RIPPLY3: variants seen among roughly 807,000 people sequenced by gnomAD.
RIPPLY3 encodes ripply transcriptional repressor 3.
A neutral mutation model predicts 11.9 loss-of-function variants in RIPPLY3; 8 were observed. The observed-to-expected ratio is 0.67, with a 90% CI of 0.40 to 1.21. RIPPLY3 has a LOEUF of 1.21. RIPPLY3 is among the 50% of genes most tolerant of loss of function. The pLI is 0.01. For synonymous variants in RIPPLY3, 102 were observed against 99.0 expected (o/e 1.03, Z -0.18); for missense variants, 271 against 246.0 (o/e 1.10, Z -0.68).
At position 37,006,778 on chromosome 21, in the gene RIPPLY3, G is replaced by A; in HGVS notation, c.6G>A (p.Glu2=). M[E]PEAAAGARKA... is the part of the protein sequence containing the mutation. Reference sequence around the variant, plus strand: ...GCGCGGGCTCCGCCGGCACCATGGAGCCCGAAGCGGCGGCCGGAGCCCGGA... The same window carrying A: ...GCGCGGGCTCCGCCGGCACCATGGAACCCGAAGCGGCGGCCGGAGCCCGGA... Residue 2 remains glutamate, a synonymous_variant, in exon 1 of 4, where the codon GAG becomes GAA. Transcript: ENST00000329553. This position sits in a 1 kb window ranked among gnomAD's most constrained non-coding sequence, Gnocchi z 5.2. The A allele has an allele frequency of 1.6e-6, 2 of 1,231,930 alleles. No homozygotes were observed. The highest frequency in any genetic ancestry group is 3.2e-4 in the Middle Eastern group (1 of 3,174). The allele number at this position is 1,231,930 out of a possible 1,614,324, so 76.3% of individuals were successfully genotyped here. A position where few individuals can be genotyped will look rare whatever the true frequency, so the allele number is the denominator to read the frequency against.
At chr21:37,012,907 C>T (rs1177461807) in intron 2 of RIPPLY3, among the ~76,000 whole-genome samples, 1 of 148,316 alleles carries the variant, frequency 6.7e-6, no homozygotes, top group Non-Finnish European at 1.5e-5. Flanking sequence ...CTCTGTCGTC[C>T]AGGCTGGAGT....
intron 1 of RIPPLY3, among the ~76,000 whole-genome samples, chr21:37,007,689 G>A (rs1041766347): frequency 2.0e-5 from 3 of 152,086 alleles, no homozygotes; most frequent in African/African-American, 7.2e-5. Context: ...GATTACAGGT[G>A]TGAGCCACCG....
rs2069525560 is a variant in RIPPLY3 at position 37,011,868 on chromosome 21, TCAG to T, written c.172-1682_172-1680del. On this transcript the variant is annotated intron_variant, in intron 2 of 3. Transcript: ENST00000329553. ...CTCGGGAGGCTGAGGCAGGAGAATC[TCAG>T]TGAGCCGAGATCGCACCACTGCACT... Among the ~76,000 whole-genome samples, 3 of 129,126 alleles carry T rather than the reference TCAG, an allele frequency of 2.3e-5. No individual in the cohort carries two copies. In the Admixed American group the frequency reaches 3.0e-4, roughly 13 times the overall value. The allele number at this position is 129,126 out of a possible 152,430, so 84.7% of individuals were successfully genotyped here.
At position 37,018,143 on chromosome 21, in the gene RIPPLY3, G is replaced by T. The variant is rs373201924; in HGVS notation, c.509G>T (p.Trp170Leu). The T allele has an allele frequency of 1.9e-6, 3 of 1,613,628 alleles. No homozygotes were observed. Among genetic ancestry groups the T allele is most frequent in the Non-Finnish European group, 2.5e-6 (3 of 1,179,782 alleles). Residue 170 changes from tryptophan to leucine, a missense_variant, in exon 4 of 4, where the codon TGG (tryptophan) becomes TTG (leucine). Transcript: ENST00000329553. ...GQRSSGGGDH[W>L]GEGPLPQGVS... ...CGATCCTCAGGAGGGGGTGACCACT[G>T]GGGGGAGGGTCCGCTCCCTCAAGGT...
intron 1 of RIPPLY3, 24 bp from the exon 2 acceptor site, chr21:37,008,133 C>G (rs1393450927): frequency 1.2e-6 from 2 of 1,613,264 alleles, no homozygotes; most frequent in Non-Finnish European, 1.7e-6. Context: ...AGGGTTCACT[C>G]TCTCCTGGCG....
intron 2 of RIPPLY3, among the ~76,000 whole-genome samples, chr21:37,008,992 C>G (rs79701370): frequency 0.059 from 8,917 of 152,070 alleles, 356 homozygotes; most frequent in Middle Eastern, 0.096. Flanking sequence ...GCCCCCACCC[C>G]GCGTCTGGCC....
chr21:37,008,897 G>T (rs546316269), intron 2 of RIPPLY3, among the ~76,000 whole-genome samples: 144 of 152,118 alleles, frequency 9.5e-4, no homozygotes, highest in Middle Eastern at 3.4e-3. Context: ...TTGGAGAAAA[G>T]CTTAGAGCAC....
intron 2 of RIPPLY3, among the ~76,000 whole-genome samples, chr21:37,010,860 G>A (rs368398269): frequency 1.6e-4 from 24 of 152,288 alleles, no homozygotes; most frequent in Non-Finnish European, 2.5e-4. Context: ...AAACACACTC[G>A]CACATATGTT....
chr21:37,013,677 T>C (rs1164289001), intron 3 of RIPPLY3, 59 bp downstream of exon 3: 4 of 1,226,330 alleles, frequency 3.3e-6, no homozygotes, highest in Non-Finnish European at 3.6e-6. Flanking sequence ...GGCATTAATA[T>C]GCTTTAGTGT....
At chr21:37,008,133 C>T in intron 1 of RIPPLY3, 24 bp from the exon 2 acceptor site, 2 of 1,613,264 alleles carry the variant, frequency 1.2e-6, no homozygotes, top group Non-Finnish European at 1.7e-6. Context: ...AGGGTTCACT[C>T]TCTCCTGGCG....
chr21:37,007,427 G>A (rs1420000148), intron 1 of RIPPLY3, among the ~76,000 whole-genome samples: 1 of 13,892 alleles, frequency 7.2e-5, no homozygotes, highest in Non-Finnish European at 1.4e-4. Flanking sequence ...TTTTTTTTTT[G>A]AGACAGGGTC....
At chr21:37,015,003 C>T (rs922613425) in intron 3 of RIPPLY3, among the ~76,000 whole-genome samples, 8 of 152,210 alleles carry the variant, frequency 5.3e-5, no homozygotes, top group Non-Finnish European at 5.9e-5. Context: ...GTTGGGATTA[C>T]AGGCATGAGC....
chr21:37,009,911 C>T (rs1048420201), intron 2 of RIPPLY3, among the ~76,000 whole-genome samples: 2 of 152,134 alleles, frequency 1.3e-5, no homozygotes, highest in African/African-American at 4.8e-5. Context: ...GCCCGGAGCC[C>T]GCTCTTTGCA....
intron 3 of RIPPLY3, among the ~76,000 whole-genome samples, chr21:37,015,768 G>A (rs764326186): frequency 6.6e-6 from 1 of 151,856 alleles, no homozygotes; most frequent in Non-Finnish European, 1.5e-5. Flanking sequence ...GCCCAGGCTG[G>A]AGTGCAGTGG....
chr21:37,014,697 C>T (rs2048969151), intron 3 of RIPPLY3, among the ~76,000 whole-genome samples: 1 of 152,186 alleles, frequency 6.6e-6, no homozygotes, highest in Admixed American at 6.5e-5. Flanking sequence ...TCAGACTGGT[C>T]AGAAGGAAGC....
chr21:37,013,604 T>A lies in RIPPLY3; in HGVS notation c.225T>A (p.Phe75Leu), dbSNP rs543717964. ...TTGGATCAAAGGGAGCCTTTGGGTT[T>A]CAGCATCCTGTAAGGTAATATACGA... ...HTFGSKGAFG[F>L]QHPVRVYLPM... The change falls in exon 3 of 4, where the codon TTT becomes TTA. Residue 75 changes from phenylalanine to leucine, a missense_variant. Physicochemically the swap from Phe to Leu is conservative, Grantham distance 22. Coordinates refer to ENST00000329553, the MANE Select transcript of RIPPLY3 (RefSeq NM_018962.3). The A allele has an allele frequency of 3.7e-6, 6 of 1,613,740 alleles. No homozygotes were observed. In the East Asian group the frequency reaches 1.3e-4, roughly 36 times the overall value.
In RIPPLY3 at chr21:37,006,986, C is replaced by A. The variant is rs1601093531; in HGVS notation, c.104+110C>A. ...GCGCTGCTGAACCCCCGATCCCCAG[C>A]GGAGCTCCGGAGCTCGACGGCGACG... On this transcript the variant is annotated intron_variant, in intron 1 of 3. Coordinates refer to ENST00000329553, the MANE Select transcript of RIPPLY3 (RefSeq NM_018962.3). This position sits in a 1 kb window ranked among gnomAD's most constrained non-coding sequence, Gnocchi z 5.2. 1.7e-6 allele frequency: 1 copy of A among 594,182 alleles called. No homozygotes were observed. Among genetic ancestry groups the A allele is most frequent in the Non-Finnish European group, 2.4e-6 (1 of 416,460 alleles). The allele number at this position is 594,182 out of a possible 1,614,324, so 36.8% of individuals were successfully genotyped here.
At chr21:37,013,469 C>T (rs558264716) in intron 2 of RIPPLY3, 82 bp from the exon 3 acceptor site, 30 of 1,167,076 alleles carry the variant, frequency 2.6e-5, no homozygotes, top group Non-Finnish European at 3.3e-5. Context: ...AGATGACTTA[C>T]GTTCTGTGGT....
At chr21:37,007,232 C>T (rs1026419847) in intron 1 of RIPPLY3, among the ~76,000 whole-genome samples, 7 of 152,088 alleles carry the variant, frequency 4.6e-5, no homozygotes, top group African/African-American at 1.7e-4. Context: ...GCTACTTTCT[C>T]GGTAGCCGTT....
Sources: gnomAD v4.1 joint callset for allele counts (sites outside exome capture counted in the v4.1 genomes callset) on GRCh38, gnomAD v4.1.1 for gene constraint, Gnocchi (gnomAD v3.1) non-coding constraint, MANE v1.5 for transcripts, NCBI Gene and HGNC (gene_info 2026-07-23, HGNC 2026-07-21) for gene names.